CERT1: variants seen among roughly 807,000 people sequenced by gnomAD.
The protein encoded by CERT1 is ceramide transfer protein.
CERT1 carries 31 observed loss-of-function variants against 87.9 expected under a neutral mutation model. The observed-to-expected ratio is 0.35, with a 90% confidence interval of 0.27 to 0.48. The LOEUF (loss-of-function observed/expected upper bound fraction) is 0.48. Among genes scored for constraint, CERT1 ranks in the 20% least tolerant of loss-of-function variants. The pLI, the probability that CERT1 is intolerant of heterozygous loss-of-function variation, is 0.99. For missense variants in CERT1, 487 were observed against 758.0 expected (o/e 0.64, Z 4.20); for synonymous variants, 289 against 250.9 (o/e 1.15, Z -1.44).
chr5:75,432,750 ACTT>A (rs1328748135), intron 3 of CERT1, among the ~76,000 whole-genome samples: 8 of 151,974 alleles, frequency 5.3e-5, no homozygotes, highest in Admixed American at 1.3e-4. Context: ...GCTTTTGGAG[ACTT>A]CTTCATGAAA....
intron 12 of CERT1, among the ~76,000 whole-genome samples, chr5:75,388,146 G>T (rs932438817): frequency 6.6e-6 from 1 of 152,144 alleles, no homozygotes; most frequent in African/African-American, 2.4e-5. Context: ...GCTTAATTCT[G>T]GAGTAACAAG....
chr5:75,434,570 A>T (rs1044368323), intron 3 of CERT1, among the ~76,000 whole-genome samples: 1 of 151,712 alleles, frequency 6.6e-6, no homozygotes. Flanking sequence ...ATTGGTACCA[A>T]TTCTTCTTTA....
intron 3 of CERT1, among the ~76,000 whole-genome samples, chr5:75,446,520 T>C (rs979376160): frequency 6.6e-6 from 1 of 152,220 alleles, no homozygotes; most frequent in African/African-American, 2.4e-5. Flanking sequence ...CCTGTTGATC[T>C]ACATTTTTCC....
At chr5:75,399,418 T>C in intron 10 of CERT1, 31 bp from the exon 11 acceptor site, 1 of 1,536,212 alleles carries the variant, frequency 6.5e-7, no homozygotes, top group Non-Finnish European at 9.0e-7. Flanking sequence ...AAAAACCAAG[T>C]AATCAGAACA....
intron 2 of CERT1, among the ~76,000 whole-genome samples, chr5:75,466,137 A>C (rs775544907): frequency 4.3e-4 from 66 of 152,200 alleles, no homozygotes; most frequent in Admixed American, 8.5e-4. Flanking sequence ...GGGATGCTGC[A>C]AACTATATTT....
intron 11 of CERT1, among the ~76,000 whole-genome samples, chr5:75,394,734 A>C (rs1222928233): frequency 6.6e-6 from 1 of 152,086 alleles, no homozygotes; most frequent in Non-Finnish European, 1.5e-5. Context: ...AAAATTAATA[A>C]AAATAAAATA....
chr5:75,396,142 C>T (rs536254171), intron 11 of CERT1, among the ~76,000 whole-genome samples: 1 of 152,220 alleles, frequency 6.6e-6, no homozygotes, highest in South Asian at 2.1e-4. Flanking sequence ...CATGAGCCAA[C>T]ACTTATATAA....
chr5:75,425,521 GATGTA>G (rs1561253630), intron 4 of CERT1, 22 bp from the exon 5 acceptor site: 1 of 1,609,514 alleles, frequency 6.2e-7, no homozygotes, highest in Admixed American at 1.7e-5. Flanking sequence ...AAAATAGGGG[GATGTA>G]ATTCAAGTAA....
intron 8 of CERT1, among the ~76,000 whole-genome samples, chr5:75,407,158 A>G (rs1432263120): frequency 1.3e-5 from 2 of 152,180 alleles, no homozygotes; most frequent in Non-Finnish European, 2.9e-5. Flanking sequence ...CAGTTTCTTC[A>G]CTAAGAAAGA....
chr5:75,430,857 C>A (rs1286401801), intron 3 of CERT1, among the ~76,000 whole-genome samples: 2 of 152,012 alleles, frequency 1.3e-5, no homozygotes, highest in Non-Finnish European at 2.9e-5. Context: ...AGCAATAAAG[C>A]GAGACACCAT....
intron 2 of CERT1, among the ~76,000 whole-genome samples, chr5:75,504,807 A>C (rs1767578074): frequency 7.6e-6 from 1 of 131,878 alleles, no homozygotes; most frequent in Non-Finnish European, 1.6e-5. Flanking sequence ...CCAGTATGCT[A>C]TTTTTTGTAT....
chr5:75,373,759 G>T, downstream of CERT1: 1 of 232,666 alleles, frequency 4.3e-6, no homozygotes, highest in Non-Finnish European at 8.2e-6. Flanking sequence ...TGCACAGAAA[G>T]CACATGCCCC....
chr5:75,494,942 T>G (rs930506923), intron 2 of CERT1, among the ~76,000 whole-genome samples: 1 of 152,234 alleles, frequency 6.6e-6, no homozygotes, highest in Non-Finnish European at 1.5e-5. Context: ...TTGAAGTCTT[T>G]CACAACAGGA....
chr5:75,389,364 A>C (rs1761939963), intron 12 of CERT1, among the ~76,000 whole-genome samples: 1 of 152,242 alleles, frequency 6.6e-6, no homozygotes. Context: ...CAAAACAGAA[A>C]GGTTTAATCA....
At chr5:75,436,149 C>T (rs1325029836) in intron 3 of CERT1, among the ~76,000 whole-genome samples, 3 of 152,166 alleles carry the variant, frequency 2.0e-5, no homozygotes, top group African/African-American at 7.2e-5. Flanking sequence ...TCTTCTGCCT[C>T]GGCCTCCCGA....
At chr5:75,488,344 TA>T (rs1561298268) in intron 2 of CERT1, among the ~76,000 whole-genome samples, 1 of 151,922 alleles carries the variant, frequency 6.6e-6, no homozygotes, top group African/African-American at 2.4e-5. Flanking sequence ...ATATTTTTTT[TA>T]AAAAAATGAA....
chr5:75,420,611 A>T (rs1299259146), intron 5 of CERT1, among the ~76,000 whole-genome samples: 2 of 152,132 alleles, frequency 1.3e-5, no homozygotes, highest in Non-Finnish European at 1.5e-5. Flanking sequence ...CCCAGGCTGT[A>T]TCTGTATCCA....
intron 2 of CERT1, among the ~76,000 whole-genome samples, chr5:75,490,675 T>A (rs1206515436): frequency 6.6e-6 from 1 of 152,048 alleles, no homozygotes; most frequent in Non-Finnish European, 1.5e-5. Flanking sequence ...ATTTTTTATA[T>A]CTTTAGTAGA....
At chr5:75,483,330 T>C (rs1462869143) in intron 2 of CERT1, among the ~76,000 whole-genome samples, 2 of 152,128 alleles carry the variant, frequency 1.3e-5, no homozygotes, top group South Asian at 2.1e-4. Context: ...TTTGAAAATA[T>C]AGTCAGAGGA....
Sources: gnomAD v4.1 joint callset for allele counts (sites outside exome capture counted in the v4.1 genomes callset) on GRCh38, gnomAD v4.1.1 for gene constraint, MANE v1.5 for transcripts, NCBI Gene and HGNC (gene_info 2026-07-23, HGNC 2026-07-21) for gene names.